The following HDAC5 variants were observed in gnomAD, a reference collection of about 807,000 sequenced individuals.
HDAC5 encodes antigen NY-CO-9.
HDAC5 carries 25 observed loss-of-function variants against 133.3 expected under a neutral mutation model. The observed-to-expected ratio is 0.19, with a 90% CI of 0.14 to 0.26. HDAC5 has a LOEUF of 0.26. Among genes scored for constraint, HDAC5 ranks in the 10% least tolerant of loss-of-function variants. The pLI is 1.00. For missense variants in HDAC5, 1,041 were observed against 1,460.5 expected (o/e 0.71, Z 4.68); for synonymous variants, 589 against 610.8 (o/e 0.96, Z 0.53).
rs181458163 is a variant in HDAC5, at chr17:44,096,479, T to G, written c.95-2645A>C. 2.5e-3 allele frequency among the ~76,000 whole-genome samples: 377 copies of G among 151,054 alleles called. 7 individuals carry two copies. Among genetic ancestry groups the G allele is most frequent in the South Asian group, 0.025 (119 of 4,804 alleles). On this transcript the variant is annotated intron_variant, in intron 3 of 26. Coordinates refer to ENST00000682912, the MANE Select transcript of HDAC5 (RefSeq NM_005474.5). ...AACAAGTTTTGGTTTTTTTTTGTTT[T>G]TTTTTTTTTTGGAGATGGAGTTTTG...
intron 3 of HDAC5, among the ~76,000 whole-genome samples, chr17:44,099,773 C>T (rs889048719): frequency 3.9e-5 from 6 of 152,150 alleles, no homozygotes; most frequent in Non-Finnish European, 8.8e-5. Flanking sequence ...CGTGCCTGGC[C>T]TTGGGGCTGT....
chr17:44,099,827 G>A (rs898956798), intron 3 of HDAC5, among the ~76,000 whole-genome samples: 1 of 152,144 alleles, frequency 6.6e-6, no homozygotes, highest in African/African-American at 2.4e-5. Context: ...GCAAGCTCTG[G>A]CTCAGGAGCT....
chr17:44,082,462 A>G, intron 20 of HDAC5, 123 bp downstream of exon 20: 1 of 736,114 alleles, frequency 1.4e-6, no homozygotes, highest in East Asian at 2.6e-5. Context: ...ACCCACACCC[A>G]GCACCCGAGG....
At chr17:44,101,348 T>C (rs1161351345) in intron 3 of HDAC5, among the ~76,000 whole-genome samples, 1 of 138,808 alleles carries the variant, frequency 7.2e-6, no homozygotes, top group Admixed American at 7.9e-5. Flanking sequence ...GAGGTGGAGC[T>C]TGCAGTGAGC....
At chr17:44,113,444 A>G (rs572014765) in intron 2 of HDAC5, among the ~76,000 whole-genome samples, 1 of 152,314 alleles carries the variant, frequency 6.6e-6, no homozygotes, top group East Asian at 1.9e-4. Context: ...CCAAGGCAAT[A>G]AGAGAGGAGA....
intron 3 of HDAC5, among the ~76,000 whole-genome samples, chr17:44,102,200 G>A (rs1198398187): frequency 1.3e-5 from 2 of 152,182 alleles, no homozygotes; most frequent in Non-Finnish European, 1.5e-5. Context: ...AGCTCCAATC[G>A]CCAGGCCATG....
In HDAC5 at chr17:44,092,762, C is replaced by G; in HGVS notation, c.686G>C (p.Ser229Thr). ...GGAGGGAGGCGTCCCAGGGGGGCCG[C>G]TCTGGGGAGGGGAACTCTGGTCCAA... is the stretch of plus-strand genomic sequence containing the variant. ...ASLDQSSPPQ[S>T]GPPGTPPSYK... The change falls in exon 7 of 27, where the codon AGC becomes ACC. Residue 229 changes from serine (S) to threonine (T), a missense_variant. By Grantham distance (58) the Ser-to-Thr change is moderately conservative. Around this residue, in one of 9 missense-constraint regions of HDAC5, gnomAD observed 56 missense variants for 41.3 expected, o/e 1.36. Coordinates refer to ENST00000682912, the MANE Select transcript of HDAC5 (RefSeq NM_005474.5). 9.2e-7 allele frequency: 1 copy of G among 1,092,138 alleles called. No homozygotes were observed. The highest frequency in any genetic ancestry group is 1.8e-5 in the South Asian group (1 of 55,410). The allele number at this position is 1,092,138 out of a possible 1,614,324, so 67.7% of individuals were successfully genotyped here.
chr17:44,096,410 A>AC lies in HDAC5; in HGVS notation c.95-2577dup, dbSNP rs199730427. ...TCATGAGCTGGCCTCTCTCCAGACC[A>AC]CCCCCCAGCATTAAGAGGCGAGAGA... On this transcript the variant is annotated intron_variant, in intron 3 of 26. Transcript: ENST00000682912. Among the ~76,000 whole-genome samples the AC allele has an allele frequency of 1.4e-3, 194 of 142,634 alleles. 6 individuals are homozygous for AC. In the East Asian group the frequency reaches 0.037, roughly 28 times the overall value. 93.6% of individuals were successfully genotyped at this position (142,634 alleles called of 152,430 possible). A position where few individuals can be genotyped will look rare whatever the true frequency, so the allele number is the denominator to read the frequency against.
chr17:44,081,003 G>C, intron 20 of HDAC5, 121 bp from the exon 21 acceptor site: 1 of 1,359,646 alleles, frequency 7.4e-7, no homozygotes, highest in Admixed American at 1.9e-5. Context: ...GGAGGCTGAG[G>C]GCTGGGAGGA....
At chr17:44,119,218 G>GC (rs1598047892) in intron 1 of HDAC5, among the ~76,000 whole-genome samples, 2 of 152,228 alleles carry the variant, frequency 1.3e-5, no homozygotes, top group African/African-American at 4.8e-5. Flanking sequence ...CTCTGGCAGG[G>GC]CCCACGTGGG....
chr17:44,087,552 T>C lies in HDAC5; in HGVS notation c.1744A>G (p.Thr582Ala). 1 of 1,614,096 alleles carries C rather than the reference T, an allele frequency of 6.2e-7. No individual in the cohort carries two copies. Among genetic ancestry groups the C allele is most frequent in the Non-Finnish European group, 8.5e-7 (1 of 1,179,970 alleles). ...PREGSTESES[T>A]QEDLEEEDEE... is the part of the protein sequence containing the mutation. Reference sequence around the variant, plus strand: ...TCCTCCTCCTCCAGGTCTTCCTGTGTGCTCTCACTCTCTGTGGAGCCCTCC... The same window carrying C: ...TCCTCCTCCTCCAGGTCTTCCTGTGCGCTCTCACTCTCTGTGGAGCCCTCC... The change falls in exon 13 of 27, where the codon ACA (threonine) becomes GCA (alanine). Residue 582 changes from threonine to alanine, a missense_variant. Coordinates refer to ENST00000682912, the MANE Select transcript of HDAC5 (RefSeq NM_005474.5).
At chr17:44,111,261 G>A in intron 2 of HDAC5, 1 of 297,480 alleles carries the variant, frequency 3.4e-6, no homozygotes, top group Non-Finnish European at 6.8e-6. Flanking sequence ...GCAGGAGACT[G>A]AAATAGCAGT....
intron 3 of HDAC5, among the ~76,000 whole-genome samples, chr17:44,095,541 G>A (rs1295907810): frequency 6.6e-6 from 1 of 152,008 alleles, no homozygotes; most frequent in East Asian, 1.9e-4. Flanking sequence ...GGAACAGGAG[G>A]CCTCGGGGAA....
At chr17:44,111,251 G>A in intron 2 of HDAC5, 1 of 292,848 alleles carries the variant, frequency 3.4e-6, no homozygotes, top group Non-Finnish European at 6.9e-6. Flanking sequence ...CCGGCAGCTG[G>A]CAGGAGACTG....
chr17:44,100,109 C>T lies in HDAC5; in HGVS notation c.95-6275G>A, dbSNP rs760942877. Among the ~76,000 whole-genome samples, 60 of 152,116 alleles carry T rather than the reference C, an allele frequency of 3.9e-4. 3 individuals are homozygous for T. Among genetic ancestry groups the T allele is most frequent in the African/African-American group, 1.2e-4 (5 of 41,398 alleles). On this transcript the variant is annotated intron_variant, in intron 3 of 26. Coordinates refer to ENST00000682912, the MANE Select transcript of HDAC5 (RefSeq NM_005474.5). Reference sequence around the variant, plus strand: ...CAAAGAGACACTGCCTCCAAATAGACGAGTGGCCCTGGGCCATGAGGCACA... The same window carrying T: ...CAAAGAGACACTGCCTCCAAATAGATGAGTGGCCCTGGGCCATGAGGCACA...
intron 16 of HDAC5, 92 bp downstream of exon 16, chr17:44,084,463 A>T: frequency 6.6e-7 from 1 of 1,508,804 alleles, no homozygotes; most frequent in South Asian, 1.2e-5. Flanking sequence ...CGTGGGGACA[A>T]CCCTCCTAGC....
intron 14 of HDAC5, among the ~76,000 whole-genome samples, chr17:44,086,007 C>A (rs1219551193): frequency 6.6e-6 from 1 of 152,148 alleles, no homozygotes; most frequent in Non-Finnish European, 1.5e-5. Context: ...TATTGCCTAT[C>A]AGAAGCTTCC....
intron 1 of HDAC5, among the ~76,000 whole-genome samples, chr17:44,121,180 G>T (rs901621458): frequency 2.0e-5 from 3 of 151,710 alleles, no homozygotes; most frequent in Non-Finnish European, 4.4e-5. Context: ...GGCAGAAGAC[G>T]GGGTCTGTTT....
chr17:44,100,964 A>T (rs917114328), intron 3 of HDAC5, among the ~76,000 whole-genome samples: 10 of 148,472 alleles, frequency 6.7e-5, no homozygotes, highest in Non-Finnish European at 1.2e-4. Context: ...AATTTTTTGT[A>T]TTTTTAGGTA....
Sources: gnomAD v4.1 joint callset for allele counts (sites outside exome capture counted in the v4.1 genomes callset) on GRCh38, gnomAD v4.1.1 for gene constraint, gnomAD v4.1.1 regional missense constraint, MANE v1.5 for transcripts, NCBI Gene and HGNC (gene_info 2026-07-23, HGNC 2026-07-21) for gene names.